Variants in SLC39A11 observed in about 807,000 individuals in gnomAD.
The protein encoded by SLC39A11 is solute carrier family 39 member 11.
SLC39A11 carries 33 observed loss-of-function variants against 36.1 expected under a neutral mutation model. The ratio of observed to expected loss-of-function variants is 0.91; its 90% CI spans 0.69 to 1.22. The LOEUF (loss-of-function observed/expected upper bound fraction) is 1.22, where lower values mean the gene tolerates loss of function less well. SLC39A11 is among the 50% of genes most tolerant of loss of function. The pLI is 0.00. For missense variants in SLC39A11, 432 were observed against 430.3 expected, an observed-to-expected ratio of 1.00 and a Z score of -0.03; for synonymous variants, 166 against 170.3, an observed-to-expected ratio of 0.97 and a Z score of 0.20.
chr17:73,030,722 G>C (rs922358675), intron 4 of SLC39A11, among the ~76,000 whole-genome samples: 4 of 152,230 alleles, frequency 2.6e-5, no homozygotes, highest in Admixed American at 6.5e-5. Context: ...GCTGTCTCAT[G>C]CTGTTATGAT....
intron 6 of SLC39A11, among the ~76,000 whole-genome samples, chr17:72,844,106 A>C (rs1457503308): frequency 6.6e-6 from 1 of 152,220 alleles, no homozygotes; most frequent in East Asian, 1.9e-4. Context: ...GGAATGTCAA[A>C]GCTCTAGTTA....
intron 4 of SLC39A11, among the ~76,000 whole-genome samples, chr17:73,003,569 A>G (rs2089952862): frequency 6.6e-6 from 1 of 152,156 alleles, no homozygotes; most frequent in African/African-American, 2.4e-5. Context: ...CGGGCTGAAC[A>G]CGGAGAGGGC....
chr17:73,011,666 G>GTTT (rs55954659), intron 4 of SLC39A11, among the ~76,000 whole-genome samples: 8 of 143,534 alleles, frequency 5.6e-5, no homozygotes, highest in Non-Finnish European at 9.1e-5. Context: ...GGTTTTCTTG[G>GTTT]TTTTTTTTTT....
chr17:72,849,799 T>G lies in SLC39A11; in HGVS notation c.436A>C (p.Ser146Arg). The G allele has an allele frequency of 6.7e-7, 1 of 1,500,180 alleles. No individual in the cohort carries two copies. Among genetic ancestry groups the G allele is most frequent in the Non-Finnish European group, 8.8e-7 (1 of 1,137,100 alleles). 92.9% of individuals were successfully genotyped at this position (1,500,180 alleles called of 1,614,324 possible). A position where few individuals can be genotyped will look rare whatever the true frequency, so the allele number is the denominator to read the frequency against. ...CTCTGATATGCCTCACCATTCTCAC[T>G]CTTGTCTGAGCAAAAAAAAAAAAAA... is the stretch of plus-strand genomic sequence containing the variant. ...ESELSIRIDKSENGEAYQRKK... is the reference protein window; with the variant it reads ...ESELSIRIDKRENGEAYQRKK... The change falls in exon 6 of 10, where the codon AGT (serine) becomes CGT (arginine). Residue 146 changes from serine to arginine, a missense_variant. Coordinates refer to ENST00000255559, the MANE Select transcript of SLC39A11 (RefSeq NM_139177.4).
At chr17:72,649,142 C>T in intron 8 of SLC39A11, 28 bp downstream of exon 8, 2 of 1,600,914 alleles carry the variant, frequency 1.2e-6, no homozygotes, top group South Asian at 2.2e-5. Flanking sequence ...GATGCTGTGA[C>T]ATGGCCTTGC....
At chr17:72,966,327 G>A (rs1188847044) in intron 4 of SLC39A11, among the ~76,000 whole-genome samples, 2 of 152,208 alleles carry the variant, frequency 1.3e-5, no homozygotes, top group African/African-American at 4.8e-5. Context: ...GCTCTTTCGG[G>A]TGTGGGCATT....
In SLC39A11 at chr17:72,822,430, A is replaced by T. The variant is rs1164687304; in HGVS notation, c.601+27204T>A. ...TCATGACTTAAAATTTTCTAGACAT[A>T]TGACATATAAGACTCCATTTGTACT... is the stretch of plus-strand genomic sequence containing the variant. On this transcript the variant is annotated intron_variant, in intron 6 of 9. Coordinates refer to ENST00000255559, the MANE Select transcript of SLC39A11 (RefSeq NM_139177.4). Among the ~76,000 whole-genome samples, 9 of 150,726 alleles carry T rather than the reference A, an allele frequency of 6.0e-5. 1 individual carries two copies. Among genetic ancestry groups the T allele is most frequent in the Admixed American group, 6.0e-4 (9 of 15,116 alleles).
At chr17:72,728,769 G>A (rs2074036732) in intron 7 of SLC39A11, among the ~76,000 whole-genome samples, 1 of 152,088 alleles carries the variant, frequency 6.6e-6, no homozygotes, top group South Asian at 2.1e-4. Context: ...GGCCTGTACT[G>A]GGTAACGCTT....
intron 5 of SLC39A11, among the ~76,000 whole-genome samples, chr17:72,925,936 T>C (rs995980475): frequency 1.3e-5 from 2 of 152,234 alleles, no homozygotes; most frequent in African/African-American, 2.4e-5. Context: ...CCACTGAGAT[T>C]TGAGGTTTCC....
At chr17:72,730,818 C>T (rs761932502) in intron 7 of SLC39A11, among the ~76,000 whole-genome samples, 12 of 152,132 alleles carry the variant, frequency 7.9e-5, no homozygotes, top group Non-Finnish European at 1.2e-4. Flanking sequence ...CACCATGATG[C>T]CTAGATGATT....
intron 6 of SLC39A11, among the ~76,000 whole-genome samples, chr17:72,815,198 A>T (rs2077544515): frequency 6.6e-6 from 1 of 152,250 alleles, no homozygotes; most frequent in Non-Finnish European, 1.5e-5. Context: ...CTTACAGGAA[A>T]ATGTAGCTGT....
intron 5 of SLC39A11, among the ~76,000 whole-genome samples, chr17:72,896,272 G>A (rs971327649): frequency 7.3e-6 from 1 of 136,346 alleles, no homozygotes; most frequent in Non-Finnish European, 1.5e-5. Context: ...TGCAATCTTG[G>A]CTCACTGCAA....
intron 7 of SLC39A11, among the ~76,000 whole-genome samples, chr17:72,707,265 G>A (rs769037598): frequency 2.6e-5 from 4 of 151,314 alleles, no homozygotes; most frequent in African/African-American, 9.7e-5. Context: ...GTAGCTGGGT[G>A]TAGGGGTCCA....
At chr17:73,023,259 T>C (rs1166186779) in intron 4 of SLC39A11, among the ~76,000 whole-genome samples, 1 of 151,852 alleles carries the variant, frequency 6.6e-6, no homozygotes, top group Non-Finnish European at 1.5e-5. Context: ...CTGGGCTGAA[T>C]TGTGCCCCCC....
chr17:72,699,371 T>C (rs1373593578), intron 7 of SLC39A11, among the ~76,000 whole-genome samples: 2 of 152,240 alleles, frequency 1.3e-5, no homozygotes, highest in African/African-American at 4.8e-5. Flanking sequence ...GCATGTGACC[T>C]GTGGGCCATG....
chr17:72,710,386 T>C (rs1186343465), intron 7 of SLC39A11, among the ~76,000 whole-genome samples: 1 of 152,218 alleles, frequency 6.6e-6, no homozygotes, highest in Non-Finnish European at 1.5e-5. Flanking sequence ...AGTGCAGTAG[T>C]ATTAAGAGGT....
At chr17:73,043,509 A>G (rs754474593) in intron 3 of SLC39A11, among the ~76,000 whole-genome samples, 1 of 152,184 alleles carries the variant, frequency 6.6e-6, no homozygotes, top group Non-Finnish European at 1.5e-5. Context: ...CTCACACGTG[A>G]TGCTGCAGCA....
intron 5 of SLC39A11, among the ~76,000 whole-genome samples, chr17:72,889,638 G>C (rs1458526431): frequency 6.6e-6 from 1 of 152,004 alleles, no homozygotes. Context: ...TGCTAGTGTT[G>C]TTGCATTCAC....
intron 7 of SLC39A11, among the ~76,000 whole-genome samples, chr17:72,694,924 T>C (rs1360637320): frequency 6.6e-6 from 1 of 152,184 alleles, no homozygotes; most frequent in Non-Finnish European, 1.5e-5. Context: ...CACTCCATCT[T>C]TCTGGACCGA....
Sources: gnomAD v4.1 joint callset for allele counts (sites outside exome capture counted in the v4.1 genomes callset) on GRCh38, gnomAD v4.1.1 for gene constraint, MANE v1.5 for transcripts, NCBI Gene and HGNC (gene_info 2026-07-23, HGNC 2026-07-21) for gene names.